LYAR: variants seen among roughly 807,000 people sequenced by gnomAD.
LYAR encodes the protein cell growth-regulating nucleolar protein.
Under a neutral mutation model 45.2 loss-of-function variants are expected in LYAR, and 37 were observed. That is an observed-to-expected ratio of 0.82 (90% confidence interval 0.63 to 1.08). The LOEUF (loss-of-function observed/expected upper bound fraction) is 1.08, where lower values mean the gene tolerates loss of function less well. Ranked by LOEUF, LYAR falls within the 50% of genes least tolerant of loss-of-function variation. The pLI, the probability that LYAR is intolerant of heterozygous loss-of-function variation, is 0.00. For synonymous variants in LYAR, 176 were observed against 155.1 expected (o/e 1.14, Z -1.00); for missense variants, 493 against 451.0 (o/e 1.09, Z -0.84).
intron 2 of LYAR, 100 bp downstream of exon 2, chr4:4,286,419 T>C (rs1719612706): frequency 6.6e-6 from 1 of 152,172 alleles, no homozygotes; most frequent in Admixed American, 6.5e-5. Context: ...TAAGCGTAAA[T>C]GCTACAAACT....
At chr4:4,283,838 C>G (rs1045651063) in intron 2 of LYAR, 43 bp from the exon 3 acceptor site, 3 of 919,278 alleles carry the variant, frequency 3.3e-6, no homozygotes, top group Middle Eastern at 3.5e-4. Context: ...TGAAACTTCT[C>G]ATTTCAATAA....
At chr4:4,273,111 A>G (rs1460939425) in intron 8 of LYAR, among the ~76,000 whole-genome samples, 2 of 152,220 alleles carry the variant, frequency 1.3e-5, no homozygotes, top group African/African-American at 4.8e-5. Flanking sequence ...AGGCAGGGGC[A>G]AGAGAGTTGG....
At chr4:4,272,404 C>A (rs1301979460) in intron 8 of LYAR, among the ~76,000 whole-genome samples, 1 of 152,226 alleles carries the variant, frequency 6.6e-6, no homozygotes, top group Non-Finnish European at 1.5e-5. Context: ...TGCCTGAAAT[C>A]ACAATGGTAC....
At chr4:4,274,011 C>T (rs902030491) in intron 7 of LYAR, among the ~76,000 whole-genome samples, 9 of 152,078 alleles carry the variant, frequency 5.9e-5, no homozygotes, top group Non-Finnish European at 1.3e-4. Context: ...CCGAGGGGGG[C>T]GGATCACCAG....
intron 2 of LYAR, among the ~76,000 whole-genome samples, chr4:4,286,074 G>T (rs1719599312): frequency 6.6e-6 from 1 of 152,166 alleles, no homozygotes; most frequent in African/African-American, 2.4e-5. Context: ...AGGCCAAATG[G>T]GTGGATTGCA....
intron 4 of LYAR, 114 bp downstream of exon 4, chr4:4,281,669 T>G: frequency 1.0e-5 from 8 of 773,378 alleles, no homozygotes; most frequent in Non-Finnish European, 1.8e-5. Context: ...TCCTAGGACA[T>G]GAGGTTTCCA....
chr4:4,281,817 T>A lies in LYAR; in HGVS notation c.203A>T (p.His68Leu). Reference protein sequence around the residue: ...YGGKGYEGKTHKGDIKQQAWI... With the variant: ...YGGKGYEGKTLKGDIKQQAWI... The stretch of plus-strand genomic sequence containing the variant: ...CGCCTGCTGTTTGATGTCGCCTTTG[T>A]GGGTTTTACCTTCATAGCCTTTGCC... The change falls in exon 4 of 10, where the codon CAC (histidine) becomes CTC (leucine). Residue 68 changes from histidine (H) to leucine (L), a missense_variant. By Grantham distance (99) the His-to-Leu change is moderately conservative. Coordinates refer to ENST00000343470, the MANE Select transcript of LYAR (RefSeq NM_017816.3). The A allele has an allele frequency of 1.2e-6, 2 of 1,614,208 alleles. No individual in the cohort carries two copies. The highest frequency in any genetic ancestry group is 8.5e-7 in the Non-Finnish European group (1 of 1,180,002).
chr4:4,268,773 T>C (rs768745763), intron 8 of LYAR, 158 bp from the exon 9 acceptor site: 78 of 570,122 alleles, frequency 1.4e-4, no homozygotes, highest in Non-Finnish European at 2.0e-4. Context: ...AATTCCAATG[T>C]CCTAGAAGCA....
At chr4:4,289,208 G>C (rs989691644) in intron 1 of LYAR, among the ~76,000 whole-genome samples, 1 of 152,134 alleles carries the variant, frequency 6.6e-6, no homozygotes, top group Non-Finnish European at 1.5e-5. Context: ...CTAAACAGAT[G>C]AGCAAACTGA....
In LYAR at chr4:4,274,531, C is replaced by T. The variant is rs201663400; in HGVS notation, c.668G>A (p.Arg223His). ...AAGGTCAGCCTCCTGTCCCTTTTTG[C>T]GCTTCTTAGGCTTCTGATTCCTTGA... ...ENSRNQKPKK[R>H]KKGQEADLEA... Residue 223 changes from arginine to histidine, a missense_variant, in exon 7 of 10, where the codon CGC becomes CAC. Coordinates refer to ENST00000343470, the MANE Select transcript of LYAR (RefSeq NM_017816.3). The T allele has an allele frequency of 2.6e-5, 42 of 1,614,052 alleles. No homozygotes were observed. The highest frequency in any genetic ancestry group is 2.8e-5 in the Non-Finnish European group (33 of 1,180,026).
At chr4:4,288,651 A>G (rs1719721755) in intron 1 of LYAR, among the ~76,000 whole-genome samples, 1 of 151,944 alleles carries the variant, frequency 6.6e-6, no homozygotes, top group Non-Finnish European at 1.5e-5. Flanking sequence ...ATGCCCGGCT[A>G]ATTTTTGTAT....
At chr4:4,275,932 G>A (rs954427529) in intron 6 of LYAR, among the ~76,000 whole-genome samples, 19 of 152,188 alleles carry the variant, frequency 1.2e-4, no homozygotes, top group African/African-American at 4.6e-4. Flanking sequence ...CCAACCTCAG[G>A]TGATCCGCCC....
At chr4:4,277,920 C>T (rs1197963561) in intron 6 of LYAR, among the ~76,000 whole-genome samples, 3 of 152,164 alleles carry the variant, frequency 2.0e-5, no homozygotes, top group African/African-American at 7.2e-5. Flanking sequence ...CTGGGAGGGC[C>T]GTGGTGCAAA....
intron 6 of LYAR, 29 bp from the exon 7 acceptor site, chr4:4,274,798 A>G (rs201404965): frequency 2.8e-4 from 440 of 1,567,098 alleles, no homozygotes; most frequent in Non-Finnish European, 3.5e-4. Flanking sequence ...CAAGAAACAC[A>G]TATTCATTTT....
At chr4:4,285,072 A>G (rs749204980) in intron 2 of LYAR, among the ~76,000 whole-genome samples, 26 of 152,178 alleles carry the variant, frequency 1.7e-4, no homozygotes, top group Non-Finnish European at 2.9e-4. Flanking sequence ...CTGCATCTCC[A>G]GGGTTCACAA....
At chr4:4,276,460 T>C (rs1719180234) in intron 6 of LYAR, among the ~76,000 whole-genome samples, 1 of 151,828 alleles carries the variant, frequency 6.6e-6, no homozygotes, top group Non-Finnish European at 1.5e-5. Flanking sequence ...GGAGAATCAC[T>C]TGAACCCGGA....
intron 7 of LYAR, 38 bp downstream of exon 7, chr4:4,274,329 T>C (rs760369676): frequency 1.3e-6 from 2 of 1,577,574 alleles, no homozygotes; most frequent in Non-Finnish European, 1.7e-6. Flanking sequence ...GCTTTCCCGG[T>C]TTTCAGATGA....
chr4:4,281,864 T>C lies in LYAR; in HGVS notation c.156A>G (p.Ile52Met). Residue 52 changes from isoleucine (I) to methionine (M), a missense_variant, in exon 4 of 10, where the codon ATA becomes ATG. Physicochemically the swap from Ile to Met is conservative, Grantham distance 10. Transcript: ENST00000343470. ...GDDYKNHVKC[I>M]SEDQKYGGKG... ...TGCCACCATACTTCTGATCTTCACT[T>C]ATGCATTTCACGTGGTTTTTATAGT... 3 of 1,614,164 alleles carry C rather than the reference T, an allele frequency of 1.9e-6. No individual in the cohort carries two copies. The highest frequency in any genetic ancestry group is 2.5e-6 in the Non-Finnish European group (3 of 1,179,992).
chr4:4,267,808 T>C lies in LYAR; in HGVS notation c.*81A>G. 8.3e-7 allele frequency: 1 copy of C among 1,207,086 alleles called. No homozygotes were observed. Among genetic ancestry groups the C allele is most frequent in the Non-Finnish European group, 1.1e-6 (1 of 913,098 alleles). The allele number at this position is 1,207,086 out of a possible 1,614,324, so 74.8% of individuals were successfully genotyped here. A position where few individuals can be genotyped will look rare whatever the true frequency, so the allele number is the denominator to read the frequency against. On this transcript the variant is annotated 3_prime_UTR_variant, in exon 10 of 10. Transcript: ENST00000343470. ...CTTCAAAAAGCAAAATTTGAGTTGT[T>C]AGAATTCATTACACATTTTATAAAC...
Sources: allele counts gnomAD v4.1 joint callset (sites outside exome capture counted in the v4.1 genomes callset), GRCh38; gene constraint gnomAD v4.1.1; transcripts MANE v1.5; gene names NCBI Gene and HGNC (gene_info 2026-07-23, HGNC 2026-07-21).